Variants in CHD6 observed in about 807,000 individuals in gnomAD.
CHD6 encodes chromodomain helicase DNA binding protein 6, also known as ATP-dependent chromatin remodeler CHD6.
Under a neutral mutation model 276.9 loss-of-function variants are expected in CHD6, and 50 were observed. That is an observed-to-expected ratio of 0.18 (90% CI 0.14 to 0.23). The LOEUF is 0.23. Ranked by LOEUF, CHD6 falls within the 10% of genes least tolerant of loss-of-function variation. CHD6 has a pLI of 1.00. For synonymous variants in CHD6, 1,173 were observed against 1,229.3 expected (o/e 0.95, Z 0.96); for missense variants, 2,564 against 3,365.8 (o/e 0.76, Z 5.89).
chr20:41,502,624 A>G (rs2043861948), intron 5 of CHD6, among the ~76,000 whole-genome samples: 1 of 152,206 alleles, frequency 6.6e-6, no homozygotes, highest in African/African-American at 2.4e-5. Context: ...ATAGGTCTTT[A>G]GCATTTTCAT....
chr20:41,502,091 C>T lies in CHD6; in HGVS notation c.853-2734G>A, dbSNP rs150696082. Among the ~76,000 whole-genome samples, 6 of 152,230 alleles carry T rather than the reference C, an allele frequency of 3.9e-5. No homozygotes were observed. In the East Asian group the frequency reaches 1.2e-3, roughly 29 times the overall value. ...CAGTCTATGGTTTGCCTTTTCAATC[C>T]CTTAATGTGTCTTCTGAACAGAAAT... On this transcript the variant is annotated intron_variant, in intron 5 of 36. Transcript: ENST00000373233.
At chr20:41,555,175 G>A (rs1288024565) in intron 1 of CHD6, among the ~76,000 whole-genome samples, 92 of 134,358 alleles carry the variant, frequency 6.8e-4, no homozygotes, top group African/African-American at 2.6e-3. Flanking sequence ...CTTCCCAGTA[G>A]GGGCGGCCGG....
chr20:41,420,432 C>A, intron 31 of CHD6, 76 bp downstream of exon 31: 1 of 1,464,282 alleles, frequency 6.8e-7, no homozygotes, highest in South Asian at 1.3e-5. Flanking sequence ...ATGAAGCACT[C>A]TCTCCCCTAA....
At chr20:41,462,296 A>G (rs1258382635) in intron 17 of CHD6, among the ~76,000 whole-genome samples, 1 of 152,240 alleles carries the variant, frequency 6.6e-6, no homozygotes, top group Non-Finnish European at 1.5e-5. Context: ...CAATATCAGT[A>G]CTCATTTGAT....
At position 41,571,942 on chromosome 20, in the gene CHD6, C is replaced by T. The variant is rs556039677; in HGVS notation, c.-23-20582G>A. 1.4e-3 allele frequency among the ~76,000 whole-genome samples: 212 copies of T among 152,306 alleles called. 1 individual carries two copies. The Middle Eastern group carries it at 0.02, about 15-fold the overall frequency. The stretch of plus-strand genomic sequence containing the variant: ...ATACTCCTTTCAATACTGCTTTTCC[C>T]CAAAAGTAACCACTAGCCTGACTTC... On this transcript the variant is annotated intron_variant, in intron 1 of 36. Coordinates refer to ENST00000373233, the MANE Select transcript of CHD6 (RefSeq NM_032221.5).
chr20:41,437,430 A>G (rs1394977229), intron 26 of CHD6, 96 bp from the exon 27 acceptor site: 14 of 747,118 alleles, frequency 1.9e-5, no homozygotes, highest in South Asian at 1.3e-4. Flanking sequence ...AAATACTAAG[A>G]TATTTTGGGG....
chr20:41,550,263 T>C (rs1367604278), intron 2 of CHD6, among the ~76,000 whole-genome samples: 3 of 152,200 alleles, frequency 2.0e-5, no homozygotes, highest in African/African-American at 7.2e-5. Context: ...CACACCTGAG[T>C]ATATCCACAG....
At chr20:41,507,120 C>T (rs189960973) in intron 5 of CHD6, among the ~76,000 whole-genome samples, 1 of 152,296 alleles carries the variant, frequency 6.6e-6, no homozygotes, top group East Asian at 1.9e-4. Flanking sequence ...TGTACATACA[C>T]TCAAAGGAAC....
chr20:41,475,977 G>A (rs186338852), intron 16 of CHD6, among the ~76,000 whole-genome samples: 56 of 152,102 alleles, frequency 3.7e-4, no homozygotes, highest in Admixed American at 1.2e-3. Flanking sequence ...TAGTTTTGAG[G>A]GAGTGCTCTC....
intron 8 of CHD6, among the ~76,000 whole-genome samples, chr20:41,495,000 C>A (rs1157596884): frequency 6.6e-6 from 1 of 151,832 alleles, no homozygotes; most frequent in Non-Finnish European, 1.5e-5. Context: ...AGGATTCTTT[C>A]CTCTCTCTTT....
At chr20:41,454,007 G>A (rs901274882) in intron 20 of CHD6, among the ~76,000 whole-genome samples, 2 of 152,100 alleles carry the variant, frequency 1.3e-5, no homozygotes, top group Admixed American at 1.3e-4. Context: ...TGAAGGACGG[G>A]AAATCAACAT....
intron 14 of CHD6, 71 bp downstream of exon 14, chr20:41,487,594 T>A (rs1008455881): frequency 4.1e-6 from 6 of 1,455,012 alleles, no homozygotes; most frequent in African/African-American, 2.9e-5. Context: ...CCTGGCCCCA[T>A]AGCATCCTGC....
intron 2 of CHD6, among the ~76,000 whole-genome samples, chr20:41,535,775 A>T (rs1210569259): frequency 1.3e-5 from 2 of 152,174 alleles, no homozygotes; most frequent in African/African-American, 4.8e-5. Flanking sequence ...CTGAGGCAGG[A>T]GGATCACTTG....
chr20:41,559,905 T>A (rs956243113), intron 1 of CHD6, among the ~76,000 whole-genome samples: 206 of 148,876 alleles, frequency 1.4e-3, no homozygotes, highest in African/African-American at 5.1e-3. Flanking sequence ...ACACACACTC[T>A]CTCTACCTGC....
intron 16 of CHD6, among the ~76,000 whole-genome samples, chr20:41,478,934 T>C (rs886137581): frequency 6.6e-6 from 1 of 152,306 alleles, no homozygotes; most frequent in Admixed American, 6.5e-5. Context: ...AGACAAGAAC[T>C]TTAAAGCTGC....
At chr20:41,605,139 A>G (rs2146294319) in intron 1 of CHD6, among the ~76,000 whole-genome samples, 1 of 152,232 alleles carries the variant, frequency 6.6e-6, no homozygotes, top group South Asian at 2.1e-4. Context: ...TATTGTCACA[A>G]AAAAAGTCAT....
chr20:41,567,750 A>C (rs541985099), intron 1 of CHD6, among the ~76,000 whole-genome samples: 1 of 152,150 alleles, frequency 6.6e-6, no homozygotes, highest in African/African-American at 2.4e-5. Flanking sequence ...CAAGGAGCTA[A>C]TTTTATGTTC....
At chr20:41,584,772 A>C (rs1246581424) in intron 1 of CHD6, among the ~76,000 whole-genome samples, 2 of 152,168 alleles carry the variant, frequency 1.3e-5, no homozygotes, top group East Asian at 3.8e-4. Flanking sequence ...CAAAATCAAA[A>C]CAACATGAAA....
intron 27 of CHD6, among the ~76,000 whole-genome samples, chr20:41,436,730 A>G (rs1461424723): frequency 6.6e-6 from 1 of 152,208 alleles, no homozygotes; most frequent in Non-Finnish European, 1.5e-5. Context: ...AATCCCAGGG[A>G]ACTTTTCTGC....
Sources: allele counts gnomAD v4.1 joint callset (sites outside exome capture counted in the v4.1 genomes callset), GRCh38; gene constraint gnomAD v4.1.1; transcripts MANE v1.5; gene names NCBI Gene and HGNC (gene_info 2026-07-23, HGNC 2026-07-21).